CALN1: variants seen among roughly 807,000 people sequenced by gnomAD.
CALN1 encodes the protein calneuron 1.
In CALN1, 17 loss-of-function variants were observed where a neutral mutation model predicts 30.6. The observed-to-expected ratio is 0.56, with a 90% CI of 0.38 to 0.83. The LOEUF is 0.83. Ranked by LOEUF, CALN1 falls within the 40% of genes least tolerant of loss-of-function variation. The pLI is 0.00. For missense variants in CALN1, 291 were observed against 354.9 expected (o/e 0.82, Z 1.45); for synonymous variants, 156 against 131.4 (o/e 1.19, Z -1.28).
chr7:71,808,682 C>T (rs1787762397), intron 6 of CALN1, among the ~76,000 whole-genome samples: 1 of 152,052 alleles, frequency 6.6e-6, no homozygotes, highest in Admixed American at 6.6e-5. Flanking sequence ...TGACATTTCC[C>T]TGAACAAAAC....
At chr7:71,915,593 G>A (rs868242050) in intron 5 of CALN1, among the ~76,000 whole-genome samples, 5 of 152,108 alleles carry the variant, frequency 3.3e-5, no homozygotes, top group East Asian at 1.9e-4. Flanking sequence ...AATTAGTTGG[G>A]CATGGTGGTG....
At chr7:72,246,267 G>A (rs187851497) in intron 3 of CALN1, among the ~76,000 whole-genome samples, 20 of 152,246 alleles carry the variant, frequency 1.3e-4, no homozygotes, top group Non-Finnish European at 2.9e-4. Context: ...TTTGGCAGAG[G>A]ATAAAAGCTC....
intron 2 of CALN1, among the ~76,000 whole-genome samples, chr7:72,316,850 CAGG>C (rs1800486949): frequency 6.6e-6 from 1 of 151,692 alleles, no homozygotes; most frequent in South Asian, 2.1e-4. Flanking sequence ...GAGGCTGAGG[CAGG>C]AGGATCACTT....
intron 3 of CALN1, among the ~76,000 whole-genome samples, chr7:72,123,184 T>G (rs1318147392): frequency 6.6e-6 from 1 of 152,208 alleles, no homozygotes; most frequent in Non-Finnish European, 1.5e-5. Flanking sequence ...TGTAGTGTCT[T>G]AAACCAAGAC....
chr7:71,811,739 C>T (rs975381129), intron 5 of CALN1, among the ~76,000 whole-genome samples: 16 of 148,884 alleles, frequency 1.1e-4, no homozygotes, highest in Non-Finnish European at 2.1e-4. Context: ...AGTGCAGTGG[C>T]GCGATCTCGG....
At chr7:72,137,698 T>G (rs1221301428) in intron 3 of CALN1, among the ~76,000 whole-genome samples, 1 of 152,164 alleles carries the variant, frequency 6.6e-6, no homozygotes, top group Non-Finnish European at 1.5e-5. Flanking sequence ...AGTCTGTGGA[T>G]TAGGTGGTGG....
chr7:71,801,376 TTATGTATGTATGTATGTATG>T lies in CALN1; in HGVS notation c.658+8940_658+8959del, dbSNP rs575924113. ...TACAGGTGCCTGCCACCATGCCTGG[TTATGTATGTATGTATGTATG>T]TATGTATGTATGTATGTATGTATGT... is the stretch of plus-strand genomic sequence containing the variant. On this transcript the variant is annotated intron_variant, in intron 6 of 6. Coordinates refer to ENST00000395275, the MANE Select transcript of CALN1 (RefSeq NM_031468.4). Among the ~76,000 whole-genome samples, 16 of 121,664 alleles carry T rather than the reference TTATGTATGTATGTATGTATG, an allele frequency of 1.3e-4. No homozygotes were observed. In the East Asian group the frequency reaches 2.3e-3, roughly 18 times the overall value. The allele number at this position is 121,664 out of a possible 152,430, so 79.8% of individuals were successfully genotyped here. A position where few individuals can be genotyped will look rare whatever the true frequency, so the allele number is the denominator to read the frequency against.
chr7:72,358,018 G>A (rs1198381577), intron 2 of CALN1, among the ~76,000 whole-genome samples: 4 of 151,440 alleles, frequency 2.6e-5, no homozygotes, highest in Non-Finnish European at 4.4e-5. Context: ...TTAAGAGGCA[G>A]AATCTCACTG....
chr7:72,345,869 G>T (rs1208721192), intron 2 of CALN1, among the ~76,000 whole-genome samples: 1 of 152,100 alleles, frequency 6.6e-6, no homozygotes, highest in Non-Finnish European at 1.5e-5. Flanking sequence ...GAGAACAAAT[G>T]TATAGCCACT....
chr7:72,370,710 G>A (rs1387009558), intron 2 of CALN1, among the ~76,000 whole-genome samples: 4 of 149,008 alleles, frequency 2.7e-5, no homozygotes, highest in African/African-American at 9.8e-5. Flanking sequence ...TTTTTTTTCT[G>A]AGTTCATGGC....
chr7:71,971,814 C>T (rs1188743438), intron 5 of CALN1, among the ~76,000 whole-genome samples: 1 of 150,686 alleles, frequency 6.6e-6, no homozygotes, highest in Non-Finnish European at 1.5e-5. Context: ...GGGAGGATCA[C>T]CAGAGCCTGG....
rs60450821 is a variant in CALN1, at chr7:71,793,077, G to A, written c.659-5175C>T. Among the ~76,000 whole-genome samples, 1,440 of 152,144 alleles carry A rather than the reference G, an allele frequency of 9.5e-3. 20 individuals are homozygous for A. The highest frequency in any genetic ancestry group is 0.032 in the African/African-American group (1,327 of 41,490). On this transcript the variant is annotated intron_variant, in intron 6 of 6. Coordinates refer to ENST00000395275, the MANE Select transcript of CALN1 (RefSeq NM_031468.4). The stretch of plus-strand genomic sequence containing the variant: ...CCCAGCACTTTGGGAGGCTGAGGTG[G>A]GTGGATCACCTGAGGTCAGGAGTTC...
In CALN1 at chr7:72,255,212, A is replaced by G. The variant is rs527918868; in HGVS notation, c.244+23474T>C. Among the ~76,000 whole-genome samples the G allele has an allele frequency of 1.5e-4, 23 of 151,804 alleles. No homozygotes were observed. In the South Asian group the frequency reaches 2.1e-3, roughly 14 times the overall value. On this transcript the variant is annotated intron_variant, in intron 3 of 6. Transcript: ENST00000395275. The stretch of plus-strand genomic sequence containing the variant: ...GCGATTCTCATGCTTCAGCTTCCCC[A>G]GTAGCAGGGATTACAGGTGCCCGCC...
In CALN1 at chr7:72,023,721, T is replaced by C. The variant is rs1404225509; in HGVS notation, c.437A>G (p.Lys146Arg). Residue 146 changes from lysine to arginine, a missense_variant, in exon 5 of 7, where the codon AAA becomes AGA. This residue lies in a region of CALN1 where 169 missense variants were observed against 251.7 expected (regional missense o/e 0.67). Transcript: ENST00000395275. ...ATCGCGACCTTCTGAAGACACCAGTTTGGGGCCAAGAATGGTCATGAATTC... is the reference window on the plus strand; with the variant it reads ...ATCGCGACCTTCTGAAGACACCAGTCTGGGGCCAAGAATGGTCATGAATTC... ...FDEFMTILGP[K>R]LVSSEGRDGF... 9 of 1,613,930 alleles carry C rather than the reference T, an allele frequency of 5.6e-6. 1 individual carries two copies. In the South Asian group the frequency reaches 8.8e-5, roughly 16 times the overall value.
At chr7:72,331,722 TA>T (rs1801692388) in intron 2 of CALN1, among the ~76,000 whole-genome samples, 1 of 152,178 alleles carries the variant, frequency 6.6e-6, no homozygotes, top group Non-Finnish European at 1.5e-5. Context: ...AGTTCAGAGG[TA>T]CATGTGCAGG....
the CALN1 span, among the ~76,000 whole-genome samples, chr7:72,479,434 CTTTTTG>C: frequency 6.6e-6 from 1 of 151,234 alleles, no homozygotes; most frequent in African/African-American, 2.4e-5. Flanking sequence ...TTTTATCATG[CTTTTTG>C]TTTTTAAGAA....
intron 5 of CALN1, among the ~76,000 whole-genome samples, chr7:71,907,391 G>T (rs1794199898): frequency 6.6e-6 from 1 of 152,098 alleles, no homozygotes; most frequent in Admixed American, 6.5e-5. Flanking sequence ...GGGGCCATGT[G>T]CACAGCCGCA....
In CALN1 at chr7:72,062,511, C is replaced by CAAAAA. The variant is rs376093442; in HGVS notation, c.389-38747_389-38743dup. On this transcript the variant is annotated intron_variant, in intron 4 of 6. Transcript: ENST00000395275. ...TGGACGACAGAGTGAGACTCTATCT[C>CAAAAA]AAAAAAAAAAAAAAAAAAAGAAAAA... Among the ~76,000 whole-genome samples the CAAAAA allele has an allele frequency of 2.7e-4, 16 of 59,346 alleles. No homozygotes were observed. The East Asian group carries it at 4.1e-3, about 15-fold the overall frequency. 38.9% of individuals were successfully genotyped at this position (59,346 alleles called of 152,430 possible).
chr7:72,371,641 T>C (rs909626677), intron 2 of CALN1, among the ~76,000 whole-genome samples: 7 of 152,226 alleles, frequency 4.6e-5, no homozygotes, highest in African/African-American at 1.7e-4. Flanking sequence ...CAGTTCTTTA[T>C]AGCAGCATAA....
Sources: gnomAD v4.1 joint callset for allele counts (sites outside exome capture counted in the v4.1 genomes callset) on GRCh38, gnomAD v4.1.1 for gene constraint, gnomAD v4.1.1 regional missense constraint, MANE v1.5 for transcripts, NCBI Gene and HGNC (gene_info 2026-07-23, HGNC 2026-07-21) for gene names.